The following VWF variants were observed in gnomAD, a reference collection of about 807,000 sequenced individuals.
The protein encoded by VWF is Factor VIII related antigen.
In VWF, 176 loss-of-function variants were observed where a neutral mutation model predicts 308.6. The observed-to-expected ratio is 0.57, with a 90% CI of 0.50 to 0.65. The LOEUF (loss-of-function observed/expected upper bound fraction) is 0.65, where lower values mean the gene tolerates loss of function less well. VWF is among the 30% of genes least tolerant of loss of function. VWF has a pLI of 0.00. For synonymous variants in VWF, 1,385 were observed against 1,443.4 expected, an observed-to-expected ratio of 0.96 and a Z score of 0.92; for missense variants, 3,146 against 3,648.2, an observed-to-expected ratio of 0.86 and a Z score of 3.55.
rs1943751323 is a variant in VWF at position 5,992,022 on chromosome 12, T to C, written c.6599-4A>G. The C allele has an allele frequency of 6.2e-7, 1 of 1,613,830 alleles. No homozygotes were observed. The highest frequency in any genetic ancestry group is 1.7e-5 in the Admixed American group (1 of 59,980). ...AGAGATGGTGGGCATGACATAGCTG[T>C]AGACAGAGAAGGAGGTCACTTGCAA... is the stretch of plus-strand genomic sequence containing the variant. On this transcript the variant is annotated splice_polypyrimidine_tract_variant and splice_region_variant and intron_variant, in intron 37 of 51. Coordinates refer to ENST00000261405, the MANE Select transcript of VWF (RefSeq NM_000552.5).
rs764155969 is a variant in VWF at position 6,019,369 on chromosome 12, G to A, written c.4049C>T (p.Ala1350Val). 4.4e-5 allele frequency: 71 copies of A among 1,613,806 alleles called. No individual in the cohort carries two copies. Among genetic ancestry groups the A allele is most frequent in the African/African-American group, 5.3e-5 (4 of 74,908 alleles). Residue 1350 changes from alanine (A) to valine (V), a missense_variant, in exon 28 of 52, where the codon GCG (alanine) becomes GTG (valine). Physicochemically the swap from Ala to Val is moderately conservative, Grantham distance 64 (BLOSUM62 0). Coordinates refer to ENST00000261405, the MANE Select transcript of VWF (RefSeq NM_000552.5). This position sits in a 1 kb window ranked among gnomAD's most constrained non-coding sequence, Gnocchi z 5.8. ...GCTGGTGGAGGCCACCTGGCTGCCC[G>A]CATACTTCACCTGGCTGGCAATGCG... ...LRRIASQVKY[A>V]GSQVASTSEV...
chr12:6,036,349 G>A (rs1288698232), intron 19 of VWF, 39 bp downstream of exon 19: 2 of 1,601,690 alleles, frequency 1.2e-6, no homozygotes, highest in East Asian at 4.5e-5. Flanking sequence ...TCCACCCGCA[G>A]GGCCTGGGTC....
In VWF at chr12:6,060,865, G is replaced by T. The variant is rs1256176860; in HGVS notation, c.1533+2089C>A. Among the ~76,000 whole-genome samples the T allele has an allele frequency of 1.3e-5, 2 of 152,154 alleles. No individual in the cohort carries two copies. Among genetic ancestry groups the T allele is most frequent in the Non-Finnish European group, 2.9e-5 (2 of 68,034 alleles). On this transcript the variant is annotated intron_variant, in intron 13 of 51. Coordinates refer to ENST00000261405, the MANE Select transcript of VWF (RefSeq NM_000552.5). This position sits in a 1 kb window ranked among gnomAD's most constrained non-coding sequence, Gnocchi z 5.1. Reference sequence around the variant, plus strand: ...GCTGATCAAGGGGAGAAAGTGCATGGGTGGAGAGCACCCTCTCTGTGAGGT... The same window carrying T: ...GCTGATCAAGGGGAGAAAGTGCATGTGTGGAGAGCACCCTCTCTGTGAGGT...
At chr12:6,067,548 T>C (rs1944730208) in intron 10 of VWF, among the ~76,000 whole-genome samples, 1 of 152,176 alleles carries the variant, frequency 6.6e-6, no homozygotes, top group Non-Finnish European at 1.5e-5. Context: ...AAATATTATA[T>C]GAGCTTATCT....
Position 5,976,347 on chromosome 12 carries a change from A to G in VWF, c.7288-87T>C, listed in dbSNP as rs216855. 0.73 allele frequency: 1,143,547 copies of G among 1,562,180 alleles called. 422,514 individuals carry two copies. Among genetic ancestry groups the G allele is most frequent in the East Asian group, 0.94 (41,935 of 44,440 alleles). ...CACCTACTACACAGAAGCCGCTCTAAGTGCTGAGAATGTGGCAATAAATAA... is the reference window on the plus strand; with the variant it reads ...CACCTACTACACAGAAGCCGCTCTAGGTGCTGAGAATGTGGCAATAAATAA... On this transcript the variant is annotated intron_variant, in intron 42 of 51. Transcript: ENST00000261405.
At chr12:5,962,538 CTTTTTTTTTTTT>C (rs35124526) in intron 47 of VWF, among the ~76,000 whole-genome samples, 5 of 101,602 alleles carry the variant, frequency 4.9e-5, no homozygotes, top group African/African-American at 7.5e-5. Context: ...ACAGGCAATT[CTTTTTTTTTTTT>C]TTTTTTTTTT....
Position 6,046,885 on chromosome 12 carries a change from C to T in VWF, c.2187-68G>A, listed in dbSNP as rs1002671313. ...TATACTCGCTGCCTCCACATCTTCA[C>T]CTCCCACTCACTCTCTGCCCCTTCC... On this transcript the variant is annotated intron_variant, in intron 16 of 51. Coordinates refer to ENST00000261405, the MANE Select transcript of VWF (RefSeq NM_000552.5). The surrounding 1 kb of genome is among the most constrained non-coding windows in gnomAD (Gnocchi z 5.0). 7.1e-6 allele frequency: 10 copies of T among 1,414,258 alleles called. No individual in the cohort carries two copies. In the African/African-American group the frequency reaches 1.4e-4, roughly 20 times the overall value. 87.6% of individuals were successfully genotyped at this position (1,414,258 alleles called of 1,614,324 possible). A position where few individuals can be genotyped will look rare whatever the true frequency, so the allele number is the denominator to read the frequency against.
intron 5 of VWF, among the ~76,000 whole-genome samples, chr12:6,103,057 G>A (rs1945183575): frequency 6.6e-6 from 1 of 152,148 alleles, no homozygotes; most frequent in Non-Finnish European, 1.5e-5. Context: ...GCCAGGCGTG[G>A]TGGCTCATGC....
chr12:5,965,371 A>C (rs1591833949), intron 47 of VWF, among the ~76,000 whole-genome samples: 2 of 150,568 alleles, frequency 1.3e-5, no homozygotes, highest in African/African-American at 2.5e-5. Flanking sequence ...CCCTTTTCTC[A>C]CCCCGGCTTC....
chr12:5,973,934 C>T (rs1370224772), intron 43 of VWF, among the ~76,000 whole-genome samples: 9 of 152,126 alleles, frequency 5.9e-5, no homozygotes, highest in South Asian at 2.1e-4. Context: ...GCCTGAGGCC[C>T]GCTTAGAACA....
chr12:5,950,181 T>C (rs574569608), intron 50 of VWF, among the ~76,000 whole-genome samples: 16 of 152,302 alleles, frequency 1.1e-4, no homozygotes, highest in South Asian at 4.1e-4. Context: ...CTTTGTATCA[T>C]TGTAGACTCT....
chr12:6,087,091 G>C (rs1018709429), intron 6 of VWF, among the ~76,000 whole-genome samples: 1 of 152,086 alleles, frequency 6.6e-6, no homozygotes, highest in Non-Finnish European at 1.5e-5. Flanking sequence ...CAAATTCAGA[G>C]ACCAGTGGAA....
chr12:6,005,113 A>G (rs1943911651), intron 34 of VWF, among the ~76,000 whole-genome samples: 1 of 152,214 alleles, frequency 6.6e-6, no homozygotes, highest in African/African-American at 2.4e-5. Context: ...TAGCCAGGAA[A>G]ACACTTTAGA....
intron 44 of VWF, among the ~76,000 whole-genome samples, chr12:5,970,533 C>T (rs2136357478): frequency 6.6e-6 from 1 of 152,244 alleles, no homozygotes; most frequent in South Asian, 2.1e-4. Context: ...AGAAACAAAA[C>T]CTGCCTCCAT....
chr12:6,022,035 C>A lies in VWF; in HGVS notation c.3539G>T (p.Gly1180Val), dbSNP rs780855722. The change falls in exon 27 of 52, where the codon GGG (glycine) becomes GTG (valine). Residue 1180 changes from glycine (G) to valine (V), a missense_variant and splice_region_variant. This residue lies in a region of VWF where 853 missense variants were observed against 1,177.8 expected (regional missense o/e 0.72). Coordinates refer to ENST00000261405, the MANE Select transcript of VWF (RefSeq NM_000552.5). ...VEGCHAHCPP[G>V]KILDELLQTC... is the part of the protein sequence containing the mutation. ...CTGCAAAAGCTCATCCAGGATTTTC[C>A]CTGCAAAAGAAAGCTCTCATTAGGA... 22 of 1,614,006 alleles carry A rather than the reference C, an allele frequency of 1.4e-5. No individual in the cohort carries two copies. Among genetic ancestry groups the A allele is most frequent in the Non-Finnish European group, 1.9e-5 (22 of 1,180,014 alleles).
At chr12:5,952,118 C>T (rs1943198794) in intron 49 of VWF, 9 of 640,978 alleles carry the variant, frequency 1.4e-5, no homozygotes, top group Non-Finnish European at 2.2e-5. Context: ...TCTTCATTCC[C>T]AGGGAGACTA....
intron 16 of VWF, among the ~76,000 whole-genome samples, chr12:6,049,492 A>G (rs1443334354): frequency 6.6e-6 from 1 of 152,116 alleles, no homozygotes; most frequent in Non-Finnish European, 1.5e-5. Context: ...AGTCATACCA[A>G]CTTCCTATAG....
chr12:5,952,573 C>T (rs1943204059), intron 48 of VWF, 54 bp from the exon 49 acceptor site: 1 of 1,599,398 alleles, frequency 6.3e-7, no homozygotes, highest in Non-Finnish European at 8.5e-7. Flanking sequence ...TTCACAAAGC[C>T]ACTTCAAACC....
chr12:5,984,023 G>A (rs1320873009), intron 40 of VWF, among the ~76,000 whole-genome samples: 1 of 128,222 alleles, frequency 7.8e-6, no homozygotes, highest in Non-Finnish European at 1.8e-5. Context: ...TAGATAGACA[G>A]ACAGACAGAC....
Sources: allele counts gnomAD v4.1 joint callset (sites outside exome capture counted in the v4.1 genomes callset), GRCh38; gene constraint gnomAD v4.1.1; regional missense constraint gnomAD v4.1.1; non-coding constraint Gnocchi (gnomAD v3.1); transcripts MANE v1.5; gene names NCBI Gene and HGNC (gene_info 2026-07-23, HGNC 2026-07-21).